The following SOX5 variants were observed in gnomAD, a reference collection of about 807,000 sequenced individuals.
SOX5 encodes SRY-box transcription factor 5.
A neutral mutation model predicts 92.0 loss-of-function variants in SOX5; 9 were observed. The observed-to-expected ratio is 0.10, with a 90% CI of 0.06 to 0.17. SOX5 has a LOEUF of 0.17. Ranked by LOEUF, SOX5 falls within the 10% of genes least tolerant of loss-of-function variation. SOX5 has a pLI of 1.00. For synonymous variants in SOX5, 344 were observed against 336.3 expected, an observed-to-expected ratio of 1.02 and a Z score of -0.25; for missense variants, 642 against 944.5, an observed-to-expected ratio of 0.68 and a Z score of 4.20.
chr12:23,602,814 A>C (rs1453963086), intron 9 of SOX5, among the ~76,000 whole-genome samples: 1 of 152,098 alleles, frequency 6.6e-6, no homozygotes, highest in African/African-American at 2.4e-5. Flanking sequence ...TAAAATTATC[A>C]CTACTTTAAA....
At chr12:23,945,264 A>C (rs992522612) in intron 1 of SOX5, among the ~76,000 whole-genome samples, 2 of 152,178 alleles carry the variant, frequency 1.3e-5, no homozygotes, top group Non-Finnish European at 2.9e-5. Context: ...TGATGCGTAT[A>C]CAAGATTTTT....
chr12:24,491,728 A>G (rs772898414), intron 1 of SOX5, among the ~76,000 whole-genome samples: 1 of 152,168 alleles, frequency 6.6e-6, no homozygotes, highest in Non-Finnish European at 1.5e-5. Flanking sequence ...TATCTACTGC[A>G]CTTAACCAGT....
intron 4 of SOX5, among the ~76,000 whole-genome samples, chr12:24,158,453 A>G (rs1246687526): frequency 6.6e-6 from 1 of 151,972 alleles, no homozygotes; most frequent in Non-Finnish European, 1.5e-5. Context: ...AAAAGTCTTA[A>G]TTTTATAGAA....
At chr12:23,997,378 G>T (rs1382003864) in intron 4 of SOX5, among the ~76,000 whole-genome samples, 1 of 152,136 alleles carries the variant, frequency 6.6e-6, no homozygotes, top group Admixed American at 6.5e-5. Context: ...ATCTTGGATG[G>T]CCAACAGTCA....
At chr12:24,130,802 TG>T (rs1414857198) in intron 4 of SOX5, among the ~76,000 whole-genome samples, 2 of 152,226 alleles carry the variant, frequency 1.3e-5, no homozygotes, top group African/African-American at 2.4e-5. Context: ...ACAAGCATAT[TG>T]GTGCAACTCA....
At chr12:23,880,368 CCTTT>C (rs1432209816) in intron 2 of SOX5, among the ~76,000 whole-genome samples, 4 of 152,116 alleles carry the variant, frequency 2.6e-5, no homozygotes, top group African/African-American at 9.7e-5. Flanking sequence ...TTCACCCCTT[CCTTT>C]GACTCAAATT....
intron 1 of SOX5, among the ~76,000 whole-genome samples, chr12:24,433,183 TAAAA>T (rs1938701755): frequency 6.6e-6 from 1 of 152,200 alleles, no homozygotes; most frequent in Admixed American, 6.5e-5. Flanking sequence ...ACAGTATAAA[TAAAA>T]GAGGGCTGAA....
At chr12:24,277,671 T>C (rs1944660136) in intron 2 of SOX5, among the ~76,000 whole-genome samples, 1 of 151,326 alleles carries the variant, frequency 6.6e-6, no homozygotes, top group Admixed American at 6.6e-5. Context: ...GCCACCACAA[T>C]TAATCTAAAA....
intron 2 of SOX5, among the ~76,000 whole-genome samples, chr12:24,292,114 C>T (rs1211090510): frequency 2.0e-5 from 3 of 152,186 alleles, no homozygotes; most frequent in Non-Finnish European, 4.4e-5. Flanking sequence ...AGAAAACATG[C>T]TAACAGTGAC....
chr12:24,424,971 G>A (rs1263156643), intron 1 of SOX5, among the ~76,000 whole-genome samples: 3 of 152,178 alleles, frequency 2.0e-5, no homozygotes, highest in South Asian at 2.1e-4. Flanking sequence ...TAATCAGTAC[G>A]ATAAGTGGCT....
intron 2 of SOX5, among the ~76,000 whole-genome samples, chr12:24,320,231 C>T (rs12426211): frequency 0.049 from 7,499 of 152,270 alleles, 234 homozygotes; most frequent in Admixed American, 0.087. Context: ...TTCACACAAT[C>T]GAGTTAGAAA....
At chr12:23,950,932 A>G (rs548170478), upstream of SOX5, 248 of 1,490,558 alleles carry the variant, frequency 1.7e-4, 3 homozygotes, top group South Asian at 2.8e-3. Context: ...GGGAGTAAGC[A>G]CACACTTACC....
At chr12:24,200,856 T>C (rs1437238892) in intron 4 of SOX5, among the ~76,000 whole-genome samples, 1 of 152,160 alleles carries the variant, frequency 6.6e-6, no homozygotes, top group South Asian at 2.1e-4. Context: ...TCTCAAACAA[T>C]CCACAGAATT....
At chr12:24,035,530 C>A (rs191220351) in intron 4 of SOX5, among the ~76,000 whole-genome samples, 1 of 152,076 alleles carries the variant, frequency 6.6e-6, no homozygotes, top group African/African-American at 2.4e-5. Flanking sequence ...TAGAAGAAAG[C>A]TGTGGGAATG....
At chr12:24,490,918 A>C (rs2137963249) in intron 1 of SOX5, among the ~76,000 whole-genome samples, 1 of 152,296 alleles carries the variant, frequency 6.6e-6, no homozygotes, top group East Asian at 1.9e-4. Context: ...CCCCCTCAGA[A>C]AGATTTTTAA....
At chr12:24,212,322 G>A (rs1237543829) in intron 4 of SOX5, 3 of 500,108 alleles carry the variant, frequency 6.0e-6, no homozygotes, top group Non-Finnish European at 1.2e-5. Context: ...TTTAAGCTTA[G>A]TTCCTTTAGG....
At chr12:24,205,289 T>C (rs12832667) in intron 4 of SOX5, among the ~76,000 whole-genome samples, 4,850 of 152,298 alleles carry the variant, frequency 0.032, 88 homozygotes, top group Middle Eastern at 0.061. Flanking sequence ...TTCAACATTG[T>C]GCTTTCCCTG....
chr12:24,041,505 T>C (rs1956520029), intron 4 of SOX5, among the ~76,000 whole-genome samples: 1 of 152,198 alleles, frequency 6.6e-6, no homozygotes, highest in Non-Finnish European at 1.5e-5. Flanking sequence ...GATTAAAGGC[T>C]ACAAATTTAC....
intron 4 of SOX5, among the ~76,000 whole-genome samples, chr12:24,059,920 T>C (rs1237120083): frequency 6.6e-6 from 1 of 152,196 alleles, no homozygotes; most frequent in African/African-American, 2.4e-5. Context: ...AGTTAAACAG[T>C]AGTATCAGAC....
Sources: allele counts gnomAD v4.1 joint callset (sites outside exome capture counted in the v4.1 genomes callset), GRCh38; gene constraint gnomAD v4.1.1; transcripts MANE v1.5; gene names NCBI Gene and HGNC (gene_info 2026-07-23, HGNC 2026-07-21).